The following AFG2A variants were observed in gnomAD, a reference collection of about 807,000 sequenced individuals.
AFG2A encodes the protein AAA ATPase AFG2A.
the AFG2A span, among the ~76,000 whole-genome samples, chr4:123,262,451 T>C: frequency 2.6e-5 from 4 of 152,242 alleles, no homozygotes; most frequent in Admixed American, 2.6e-4. Context: ...AAACCAGGTC[T>C]CTCAGTTCCA....
At chr4:122,930,447 TA>T in the AFG2A span, among the ~76,000 whole-genome samples, 9 of 152,210 alleles carry the variant, frequency 5.9e-5, no homozygotes, top group Admixed American at 2.0e-4. Flanking sequence ...CTTTTGCTAC[TA>T]TTGTAGATTT....
the AFG2A span, among the ~76,000 whole-genome samples, chr4:122,983,827 G>A: frequency 6.6e-6 from 1 of 152,192 alleles, no homozygotes; most frequent in African/African-American, 2.4e-5. Context: ...ACAACCCCCA[G>A]TACCAACCCA....
chr4:123,225,601 T>A, the AFG2A span, among the ~76,000 whole-genome samples: 2 of 152,210 alleles, frequency 1.3e-5, no homozygotes, highest in Non-Finnish European at 2.9e-5. Flanking sequence ...CCATGCTGTT[T>A]TGGTTACTGT....
the AFG2A span, among the ~76,000 whole-genome samples, chr4:123,164,040 T>C: frequency 2.6e-5 from 4 of 152,334 alleles, no homozygotes; most frequent in East Asian, 5.8e-4. Flanking sequence ...TTTCTTATTA[T>C]TGAGGTAACT....
chr4:123,090,746 T>C, the AFG2A span: 4 of 1,583,982 alleles, frequency 2.5e-6, no homozygotes, highest in Admixed American at 5.5e-5. Flanking sequence ...AATCAAGAAC[T>C]GGCTTGTTTG....
the AFG2A span, among the ~76,000 whole-genome samples, chr4:123,293,330 G>A: frequency 6.6e-6 from 1 of 152,132 alleles, no homozygotes; most frequent in Non-Finnish European, 1.5e-5. Flanking sequence ...GCCCAGCACT[G>A]CATCTGTGCC....
At chr4:123,217,929 A>T in the AFG2A span, among the ~76,000 whole-genome samples, 2 of 152,096 alleles carry the variant, frequency 1.3e-5, no homozygotes, top group Admixed American at 1.3e-4. Context: ...ATTCCCTGGG[A>T]CTCAGGATTA....
At chr4:123,093,285 T>C in the AFG2A span, among the ~76,000 whole-genome samples, 1 of 152,186 alleles carries the variant, frequency 6.6e-6, no homozygotes, top group Non-Finnish European at 1.5e-5. Flanking sequence ...TTGGCAACTG[T>C]ATTTATACTC....
the AFG2A span, among the ~76,000 whole-genome samples, chr4:122,986,134 A>G: frequency 6.6e-6 from 1 of 152,006 alleles, no homozygotes; most frequent in African/African-American, 2.4e-5. Context: ...GTGGTCTGAG[A>G]GAGTGCTTGA....
chr4:123,091,312 A>G, the AFG2A span, among the ~76,000 whole-genome samples: 3 of 152,260 alleles, frequency 2.0e-5, no homozygotes, highest in Non-Finnish European at 4.4e-5. Flanking sequence ...ACTAAAGGAA[A>G]TGAAGAGAAC....
chr4:123,050,281 G>A, the AFG2A span, among the ~76,000 whole-genome samples: 1 of 152,262 alleles, frequency 6.6e-6, no homozygotes, highest in African/African-American at 2.4e-5. Context: ...ATATTCTGCA[G>A]CAGTTAGATG....
chr4:123,053,754 C>A, the AFG2A span, among the ~76,000 whole-genome samples: 1 of 151,952 alleles, frequency 6.6e-6, no homozygotes, highest in South Asian at 2.1e-4. Flanking sequence ...GCTGTAGGGA[C>A]GGATTTGGAA....
At chr4:123,248,866 C>G in the AFG2A span, among the ~76,000 whole-genome samples, 1 of 152,090 alleles carries the variant, frequency 6.6e-6, no homozygotes, top group African/African-American at 2.4e-5. Flanking sequence ...CTAACATTGC[C>G]TATGTTCAAG....
chr4:123,085,962 T>A, the AFG2A span, among the ~76,000 whole-genome samples: 1 of 152,120 alleles, frequency 6.6e-6, no homozygotes, highest in South Asian at 2.1e-4. Flanking sequence ...AAGTACCTTA[T>A]AATAAAAAAA....
chr4:123,227,872 T>A, the AFG2A span, among the ~76,000 whole-genome samples: 1 of 152,222 alleles, frequency 6.6e-6, no homozygotes, highest in Admixed American at 6.5e-5. Context: ...CCCTAAGGAC[T>A]TGCTTTGTGA....
chr4:123,182,077 T>G, the AFG2A span, among the ~76,000 whole-genome samples: 1 of 152,166 alleles, frequency 6.6e-6, no homozygotes, highest in African/African-American at 2.4e-5. Flanking sequence ...GTTCATCAAA[T>G]TGATGAAATG....
the AFG2A span, among the ~76,000 whole-genome samples, chr4:122,944,904 C>T: frequency 6.6e-6 from 1 of 152,304 alleles, no homozygotes; most frequent in African/African-American, 2.4e-5. Flanking sequence ...AGGTCCACTC[C>T]AGACCCTGTT....
chr4:123,282,209 T>C, the AFG2A span, among the ~76,000 whole-genome samples: 2 of 152,074 alleles, frequency 1.3e-5, no homozygotes, highest in African/African-American at 2.4e-5. Flanking sequence ...ATTTTAAAAA[T>C]TAAACAGGGT....
chr4:123,209,229 C>T, the AFG2A span, among the ~76,000 whole-genome samples: 47 of 152,224 alleles, frequency 3.1e-4, no homozygotes, highest in Middle Eastern at 3.4e-3. Flanking sequence ...TTGTTGCTGT[C>T]GGGTGTCAGT....
Sources: allele counts gnomAD v4.1 joint callset (sites outside exome capture counted in the v4.1 genomes callset), GRCh38; gene constraint gnomAD v4.1.1; transcripts MANE v1.5; gene names NCBI Gene and HGNC (gene_info 2026-07-23, HGNC 2026-07-21).